The following PRKACB variants were observed in gnomAD, a reference collection of about 807,000 sequenced individuals.
PRKACB encodes the protein protein kinase cAMP-activated catalytic subunit beta.
In PRKACB, 16 loss-of-function variants were observed where a neutral mutation model predicts 51.4. The observed-to-expected ratio is 0.31, with a 90% CI of 0.21 to 0.47. PRKACB has a LOEUF of 0.47. PRKACB is among the 20% of genes least tolerant of loss of function. The pLI is 1.00. For missense variants in PRKACB, 309 were observed against 464.5 expected, an observed-to-expected ratio of 0.67 and a Z score of 3.08; for synonymous variants, 147 against 154.4, an observed-to-expected ratio of 0.95 and a Z score of 0.35.
At chr1:84,228,197 T>C (rs1208867210) in intron 9 of PRKACB, among the ~76,000 whole-genome samples, 1 of 152,230 alleles carries the variant, frequency 6.6e-6, no homozygotes, top group Non-Finnish European at 1.5e-5. Context: ...GTGTGTATCT[T>C]ATAATAGTAT....
At chr1:84,231,554 A>G (rs1022581016) in intron 9 of PRKACB, among the ~76,000 whole-genome samples, 2 of 151,524 alleles carry the variant, frequency 1.3e-5, no homozygotes, top group South Asian at 2.1e-4. Flanking sequence ...CTGGTCCTGG[A>G]CTCTTTTTGG....
At chr1:84,178,467 T>A (rs1389438492) in intron 1 of PRKACB, among the ~76,000 whole-genome samples, 1 of 152,042 alleles carries the variant, frequency 6.6e-6, no homozygotes, top group Non-Finnish European at 1.5e-5. Flanking sequence ...ATGTGGCTAT[T>A]TTATACCCAC....
chr1:84,234,957 T>G (rs149573112), intron 9 of PRKACB, among the ~76,000 whole-genome samples: 75 of 152,364 alleles, frequency 4.9e-4, no homozygotes, highest in African/African-American at 1.3e-3. Context: ...CAGAAATTTC[T>G]TAAGTATTTT....
chr1:84,197,393 A>G (rs770989937), intron 6 of PRKACB, among the ~76,000 whole-genome samples: 11 of 152,180 alleles, frequency 7.2e-5, no homozygotes, highest in Non-Finnish European at 1.6e-4. Flanking sequence ...TAAGGCAGAC[A>G]TTTAGCATTG....
intron 1 of PRKACB, among the ~76,000 whole-genome samples, chr1:84,117,579 T>C (rs1650734705): frequency 6.6e-6 from 1 of 152,208 alleles, no homozygotes; most frequent in Non-Finnish European, 1.5e-5. Context: ...CTTTTCCAGT[T>C]TGTCAGCATT....
chr1:84,143,556 A>G (rs1653650134), upstream of PRKACB, among the ~76,000 whole-genome samples: 1 of 152,222 alleles, frequency 6.6e-6, no homozygotes, highest in South Asian at 2.1e-4. Flanking sequence ...TCAGCCAACT[A>G]GAAGGAACTT....
At chr1:84,125,683 C>A (rs1651522439) in intron 1 of PRKACB, among the ~76,000 whole-genome samples, 1 of 152,106 alleles carries the variant, frequency 6.6e-6, no homozygotes, top group Non-Finnish European at 1.5e-5. Context: ...AAAATTTAAA[C>A]CATCTTTCTT....
At chr1:84,123,052 G>A (rs1351290556) in intron 1 of PRKACB, among the ~76,000 whole-genome samples, 2 of 152,152 alleles carry the variant, frequency 1.3e-5, no homozygotes, top group East Asian at 3.9e-4. Context: ...GTTCTGCCAT[G>A]GTTGGCAGCA....
intron 1 of PRKACB, among the ~76,000 whole-genome samples, chr1:84,099,124 A>G (rs965739696): frequency 1.3e-5 from 2 of 152,120 alleles, no homozygotes; most frequent in South Asian, 2.1e-4. Flanking sequence ...GAGGATATAC[A>G]TATTCGATGA....
intron 1 of PRKACB, among the ~76,000 whole-genome samples, chr1:84,118,472 T>G (rs1390649842): frequency 6.6e-6 from 1 of 152,142 alleles, no homozygotes; most frequent in East Asian, 1.9e-4. Context: ...GACAGAAATA[T>G]GGACTTGAAG....
intron 5 of PRKACB, among the ~76,000 whole-genome samples, chr1:84,195,492 C>T (rs935853637): frequency 6.6e-6 from 1 of 152,166 alleles, no homozygotes. Flanking sequence ...TGTTATTTAT[C>T]AGGCAGATTA....
At chr1:84,196,573 T>A (rs1440598450) in intron 5 of PRKACB, 43 bp from the exon 6 acceptor site, 2 of 1,592,338 alleles carry the variant, frequency 1.3e-6, no homozygotes, top group South Asian at 2.3e-5. Context: ...TAGAATGTAT[T>A]AACTCATTTT....
At chr1:84,161,118 C>T (rs1050967058) in intron 1 of PRKACB, among the ~76,000 whole-genome samples, 3 of 151,646 alleles carry the variant, frequency 2.0e-5, no homozygotes, top group African/African-American at 7.3e-5. Context: ...CAATTCTGTC[C>T]GTTTTTATTT....
At chr1:84,231,298 G>A (rs1162558829) in intron 9 of PRKACB, among the ~76,000 whole-genome samples, 1 of 152,060 alleles carries the variant, frequency 6.6e-6, no homozygotes, top group African/African-American at 2.4e-5. Context: ...ATAAGCTTTT[G>A]GATGTGCTGC....
chr1:84,144,365 G>A lies in PRKACB; in HGVS notation c.4G>A (p.Ala2Thr). The change falls in exon 1 of 10, where the codon GCA becomes ACA. Residue 2 changes from alanine (A) to threonine (T), a missense_variant. Transcript: ENST00000370685. MAAYREPPCNQY... is the reference protein window; with the variant it reads MTAYREPPCNQY... Reference sequence around the variant, plus strand: ...AGTAAAGTGTAAATGCACATGAATGGCAGCTTATAGAGAACCACCTTGTAA... The same window carrying A: ...AGTAAAGTGTAAATGCACATGAATGACAGCTTATAGAGAACCACCTTGTAA... The A allele has an allele frequency of 1.9e-6, 3 of 1,609,094 alleles. No homozygotes were observed. Among genetic ancestry groups the A allele is most frequent in the Middle Eastern group, 3.3e-4 (2 of 6,040 alleles).
intron 1 of PRKACB, among the ~76,000 whole-genome samples, chr1:84,127,077 A>G (rs911224079): frequency 6.6e-6 from 1 of 152,126 alleles, no homozygotes; most frequent in African/African-American, 2.4e-5. Flanking sequence ...CTTCATCTGC[A>G]TGGCATACTC....
chr1:84,101,526 C>T (rs1649350223), intron 1 of PRKACB, among the ~76,000 whole-genome samples: 1 of 152,134 alleles, frequency 6.6e-6, no homozygotes, highest in Non-Finnish European at 1.5e-5. Context: ...AGAAATGGAA[C>T]TTCCTACTTT....
chr1:84,131,259 G>A (rs144189900), intron 1 of PRKACB, among the ~76,000 whole-genome samples: 4 of 151,742 alleles, frequency 2.6e-5, no homozygotes, highest in African/African-American at 4.8e-5. Context: ...CAGGAGAATC[G>A]GTTGAACCTG....
chr1:84,100,324 C>T (rs1649253255), intron 1 of PRKACB, among the ~76,000 whole-genome samples: 1 of 152,092 alleles, frequency 6.6e-6, no homozygotes, highest in African/African-American at 2.4e-5. Context: ...TATGGCAATA[C>T]AATTCAAGAC....
Sources: gnomAD v4.1 joint callset for allele counts (sites outside exome capture counted in the v4.1 genomes callset) on GRCh38, gnomAD v4.1.1 for gene constraint, MANE v1.5 for transcripts, NCBI Gene and HGNC (gene_info 2026-07-23, HGNC 2026-07-21) for gene names.